METAP1D: variants seen among roughly 807,000 people sequenced by gnomAD.
METAP1D encodes methionine aminopeptidase 1D, mitochondrial.
A neutral mutation model predicts 40.5 loss-of-function variants in METAP1D; 31 were observed. That is an observed-to-expected ratio of 0.77 (90% CI 0.58 to 1.03). The LOEUF (loss-of-function observed/expected upper bound fraction) is 1.03. Among genes scored for constraint, METAP1D ranks in the 50% least tolerant of loss-of-function variants. The probability of loss-of-function intolerance (pLI) is 0.00; values close to 1 mark genes in which losing one functional copy is unlikely to be tolerated. For synonymous variants in METAP1D, 151 were observed against 146.4 expected (o/e 1.03, Z -0.22); for missense variants, 411 against 420.7 (o/e 0.98, Z 0.20).
At chr2:172,010,186 G>A (rs1375215886) in intron 1 of METAP1D, among the ~76,000 whole-genome samples, 2 of 150,598 alleles carry the variant, frequency 1.3e-5, no homozygotes, top group East Asian at 1.9e-4. Context: ...TGTCACCCAG[G>A]CTGGAGTGCA....
intron 1 of METAP1D, among the ~76,000 whole-genome samples, chr2:172,015,435 G>T (rs1309027416): frequency 2.0e-5 from 3 of 151,892 alleles, no homozygotes; most frequent in Non-Finnish European, 4.4e-5. Flanking sequence ...AATAATTAGA[G>T]ATGCTGCCAA....
chr2:172,055,975 C>A (rs926138118), intron 1 of METAP1D, among the ~76,000 whole-genome samples: 1 of 152,142 alleles, frequency 6.6e-6, no homozygotes, highest in Non-Finnish European at 1.5e-5. Context: ...GTCTCAAAAG[C>A]CTCATCCAGA....
At chr2:172,071,824 C>T (rs1267487020) in intron 6 of METAP1D, among the ~76,000 whole-genome samples, 2 of 152,106 alleles carry the variant, frequency 1.3e-5, no homozygotes, top group South Asian at 2.1e-4. Flanking sequence ...AAGTACTGTT[C>T]TCATTAATAT....
At chr2:172,011,305 G>A (rs190750786) in intron 1 of METAP1D, among the ~76,000 whole-genome samples, 1 of 140,890 alleles carries the variant, frequency 7.1e-6, no homozygotes, top group Non-Finnish European at 1.5e-5. Context: ...TTTTTTTGGC[G>A]ATGGAGTCTC....
intron 1 of METAP1D, among the ~76,000 whole-genome samples, chr2:172,049,197 C>T (rs1460509635): frequency 6.6e-6 from 1 of 152,066 alleles, no homozygotes; most frequent in Non-Finnish European, 1.5e-5. Context: ...GTTTCCCAGG[C>T]TGGTCTCAAA....
intron 1 of METAP1D, among the ~76,000 whole-genome samples, chr2:172,021,272 G>C (rs1291534170): frequency 6.6e-6 from 1 of 152,166 alleles, no homozygotes; most frequent in East Asian, 1.9e-4. Flanking sequence ...CTGGAGATTT[G>C]AGCTTAACCT....
chr2:172,026,978 C>T (rs1246175317), intron 1 of METAP1D, among the ~76,000 whole-genome samples: 1 of 152,158 alleles, frequency 6.6e-6, no homozygotes, highest in Admixed American at 6.5e-5. Flanking sequence ...GTCAATTCCC[C>T]ATACCCCAGT....
intron 8 of METAP1D, among the ~76,000 whole-genome samples, 195 bp downstream of exon 8, chr2:172,079,457 G>A (rs540783795): frequency 6.6e-6 from 1 of 152,226 alleles, no homozygotes; most frequent in Non-Finnish European, 1.5e-5. Context: ...GACACATTTA[G>A]GAGAAGGCAG....
In METAP1D at chr2:172,009,553, T is replaced by C. The variant is rs1039086689; in HGVS notation, c.40+9544T>C. Among the ~76,000 whole-genome samples the C allele has an allele frequency of 3.3e-5, 5 of 152,222 alleles. No homozygotes were observed. In the South Asian group the frequency reaches 1.0e-3, roughly 32 times the overall value. On this transcript the variant is annotated intron_variant, in intron 1 of 9. Coordinates refer to ENST00000315796, the MANE Select transcript of METAP1D (RefSeq NM_199227.3). ...TTTTCTGAAAGTATATGAAACGTCA[T>C]GGAGCATTGAAATTGTGAGGCAGGA...
intron 1 of METAP1D, among the ~76,000 whole-genome samples, chr2:172,023,181 T>C (rs1363676696): frequency 6.6e-6 from 1 of 151,864 alleles, no homozygotes; most frequent in Non-Finnish European, 1.5e-5. Context: ...AAAGCAAAAC[T>C]CCATCTCAAA....
At chr2:172,041,653 C>T (rs1431793929) in intron 1 of METAP1D, among the ~76,000 whole-genome samples, 1 of 110,786 alleles carries the variant, frequency 9.0e-6, no homozygotes, top group African/African-American at 2.9e-5. Flanking sequence ...CAAAACCAAA[C>T]AAAACTAAGC....
At chr2:172,026,118 C>T (rs2105404701) in intron 1 of METAP1D, among the ~76,000 whole-genome samples, 1 of 152,258 alleles carries the variant, frequency 6.6e-6, no homozygotes, top group South Asian at 2.1e-4. Flanking sequence ...TCCCATGTTG[C>T]ATTTGGCTGA....
At chr2:172,057,539 G>C (rs1455144697) in intron 1 of METAP1D, among the ~76,000 whole-genome samples, 1 of 152,182 alleles carries the variant, frequency 6.6e-6, no homozygotes, top group South Asian at 2.1e-4. Context: ...TTGGCTTAAG[G>C]TAGTGGGTGG....
intron 6 of METAP1D, among the ~76,000 whole-genome samples, chr2:172,071,470 G>A (rs1298228711): frequency 2.6e-5 from 4 of 152,124 alleles, no homozygotes. Flanking sequence ...GGAATGAAGT[G>A]AAATGTATTT....
intron 1 of METAP1D, among the ~76,000 whole-genome samples, chr2:172,002,650 C>G (rs1366405448): frequency 6.6e-6 from 1 of 152,016 alleles, no homozygotes; most frequent in Non-Finnish European, 1.5e-5. Flanking sequence ...TTTTGGACTA[C>G]CCATAGCTAG....
chr2:172,011,489 T>C (rs1400100469), intron 1 of METAP1D, among the ~76,000 whole-genome samples: 3 of 152,024 alleles, frequency 2.0e-5, no homozygotes, highest in African/African-American at 7.3e-5. Context: ...TTTCACTGTG[T>C]TAGCCAGGCT....
chr2:172,043,587 A>T (rs1309330611), intron 1 of METAP1D, among the ~76,000 whole-genome samples: 1 of 134,946 alleles, frequency 7.4e-6, no homozygotes, highest in East Asian at 2.0e-4. Context: ...TTAATGTTTT[A>T]CAAAAATTAT....
chr2:172,007,365 A>G (rs552816182), intron 1 of METAP1D, among the ~76,000 whole-genome samples: 25 of 152,112 alleles, frequency 1.6e-4, no homozygotes, highest in African/African-American at 5.1e-4. Flanking sequence ...TATAAGTGGC[A>G]TGACAGATAA....
intron 1 of METAP1D, among the ~76,000 whole-genome samples, chr2:172,023,741 A>AC (rs1297725786): frequency 6.6e-6 from 1 of 152,066 alleles, no homozygotes; most frequent in Non-Finnish European, 1.5e-5. Flanking sequence ...TTTGAAATGC[A>AC]CCCCCCAAAA....
Sources: allele counts gnomAD v4.1 joint callset (sites outside exome capture counted in the v4.1 genomes callset), GRCh38; gene constraint gnomAD v4.1.1; transcripts MANE v1.5; gene names NCBI Gene and HGNC (gene_info 2026-07-23, HGNC 2026-07-21).